The following GLI3 variants were observed in gnomAD, a reference collection of about 807,000 sequenced individuals.
GLI3 encodes transcription activator GLI3.
In GLI3, 20 loss-of-function variants were observed where a neutral mutation model predicts 100.8. The ratio of observed to expected loss-of-function variants is 0.20; its 90% CI spans 0.14 to 0.29. GLI3 has a LOEUF of 0.29. GLI3 is among the 10% of genes least tolerant of loss of function. GLI3 has a pLI of 1.00. For synonymous variants in GLI3, 938 were observed against 860.5 expected (o/e 1.09, Z -1.58); for missense variants, 2,040 against 2,128.5 (o/e 0.96, Z 0.82).
chr7:42,045,535 G>A lies in GLI3; in HGVS notation c.680-5C>T, dbSNP rs764200091. 7 of 1,613,648 alleles carry A rather than the reference G, an allele frequency of 4.3e-6. No homozygotes were observed. In the East Asian group the frequency reaches 8.9e-5, roughly 21 times the overall value. On this transcript the variant is annotated splice_region_variant and splice_polypyrimidine_tract_variant and intron_variant, in intron 5 of 14. Transcript: ENST00000395925. The stretch of plus-strand genomic sequence containing the variant: ...GGCTGACTCCTGCATGGGGCGCTAG[G>A]AGGAGACAAGAGATGTATGGTTACT...
At position 41,972,966 on chromosome 7, in the gene GLI3, G is replaced by A. The variant is rs1787405771; in HGVS notation, c.1813-339C>T. ...AGGCACTCAATAGATATTTGATGAT[G>A]ATGATGATGATGATGACGATGACTA... On this transcript the variant is annotated intron_variant, in intron 12 of 14. Coordinates refer to ENST00000395925, the MANE Select transcript of GLI3 (RefSeq NM_000168.6). This position sits in a 1 kb window ranked among gnomAD's most constrained non-coding sequence, Gnocchi z 4.4. 6.6e-6 allele frequency among the ~76,000 whole-genome samples: 1 copy of A among 151,428 alleles called. No homozygotes were observed. Among genetic ancestry groups the A allele is most frequent in the South Asian group, 2.1e-4 (1 of 4,824 alleles).
At chr7:42,183,997 C>T (rs1787669853) in intron 2 of GLI3, among the ~76,000 whole-genome samples, 1 of 152,228 alleles carries the variant, frequency 6.6e-6, no homozygotes, top group Admixed American at 6.5e-5. Context: ...TTAGGCATGT[C>T]TCTGCCTCAG....
chr7:42,031,095 T>C (rs1032547872), intron 7 of GLI3, among the ~76,000 whole-genome samples: 4 of 152,238 alleles, frequency 2.6e-5, no homozygotes, highest in African/African-American at 9.6e-5. Flanking sequence ...TTGGTACCTG[T>C]GCTTCCCATC....
intron 7 of GLI3, among the ~76,000 whole-genome samples, chr7:42,028,840 CA>C (rs1307877443): frequency 6.6e-6 from 1 of 151,578 alleles, no homozygotes; most frequent in South Asian, 2.1e-4. Flanking sequence ...GATATCCTTA[CA>C]AAAGATAAGA....
At chr7:42,134,812 C>T (rs992475384) in intron 3 of GLI3, among the ~76,000 whole-genome samples, 1 of 152,156 alleles carries the variant, frequency 6.6e-6, no homozygotes, top group Middle Eastern at 3.4e-3. Flanking sequence ...GGGAGCATTT[C>T]AGATTGCAGT....
At chr7:41,989,351 C>G (rs1440462835) in intron 10 of GLI3, among the ~76,000 whole-genome samples, 1 of 152,112 alleles carries the variant, frequency 6.6e-6, no homozygotes, top group African/African-American at 2.4e-5. Context: ...ATGGTAAGAG[C>G]CAAGGTTTCT....
At chr7:42,189,576 G>T (rs1787785065) in intron 2 of GLI3, among the ~76,000 whole-genome samples, 1 of 152,126 alleles carries the variant, frequency 6.6e-6, no homozygotes, top group African/African-American at 2.4e-5. Context: ...AATATGGAAG[G>T]TTCAGATACT....
At chr7:42,190,140 CAAA>C (rs11341473) in intron 2 of GLI3, among the ~76,000 whole-genome samples, 3 of 140,084 alleles carry the variant, frequency 2.1e-5, no homozygotes, top group Admixed American at 7.2e-5. Context: ...ATCTTACTGT[CAAA>C]AAAAAAAAAA....
At position 42,129,456 on chromosome 7, in the gene GLI3, C is replaced by T. The variant is rs1335582712; in HGVS notation, c.367+18770G>A. Among the ~76,000 whole-genome samples, 6 of 152,320 alleles carry T rather than the reference C, an allele frequency of 3.9e-5. 1 individual carries two copies. The highest frequency in any genetic ancestry group is 3.9e-4 in the Admixed American group (6 of 15,304). ...TAGGTGGACATGGTGCGTAGAGAAG[C>T]AGCAGCCTGAAATATTCTTCAAGAG... On this transcript the variant is annotated intron_variant, in intron 3 of 14. Coordinates refer to ENST00000395925, the MANE Select transcript of GLI3 (RefSeq NM_000168.6).
chr7:42,252,704 T>C (rs1225810398), intron 1 of GLI3, among the ~76,000 whole-genome samples: 1 of 152,200 alleles, frequency 6.6e-6, no homozygotes, highest in Non-Finnish European at 1.5e-5. Context: ...ATATAAAATG[T>C]ATATGAAAGT....
chr7:42,020,788 G>A (rs1040657433), intron 10 of GLI3, among the ~76,000 whole-genome samples: 2 of 151,740 alleles, frequency 1.3e-5, no homozygotes, highest in Non-Finnish European at 2.9e-5. Flanking sequence ...TACTCGGGAG[G>A]CTGAGGCAGG....
intron 2 of GLI3, among the ~76,000 whole-genome samples, chr7:42,158,137 G>T (rs1399553738): frequency 6.6e-6 from 1 of 152,106 alleles, no homozygotes; most frequent in African/African-American, 2.4e-5. Context: ...AGCCCACTCT[G>T]GAAAGGCATA....
chr7:42,237,926 TG>T (rs1012126559), upstream of GLI3: 5 of 141,884 alleles, frequency 3.5e-5, no homozygotes, highest in East Asian at 2.4e-4. Context: ...GGTCGGGGGC[TG>T]GGGGGGAGCC....
In GLI3 at chr7:41,967,701, C is replaced by T. The variant is rs979389675; in HGVS notation, c.2326G>A (p.Glu776Lys). 1.9e-6 allele frequency: 3 copies of T among 1,614,052 alleles called. No individual in the cohort carries two copies. The highest frequency in any genetic ancestry group is 1.7e-5 in the Admixed American group (1 of 60,000). Reference protein sequence around the residue: ...RRNPAGTKWMEHVKLERLKQV... With the variant: ...RRNPAGTKWMKHVKLERLKQV... ...TTTAGCCTTTCTAGTTTTACGTGCTCCATCCATTTGGTCCCTGCCGGGTTT... is the reference window on the plus strand; with the variant it reads ...TTTAGCCTTTCTAGTTTTACGTGCTTCATCCATTTGGTCCCTGCCGGGTTT... The change falls in exon 14 of 15, where the codon GAG becomes AAG. Residue 776 changes from glutamate to lysine, a missense_variant. Coordinates refer to ENST00000395925, the MANE Select transcript of GLI3 (RefSeq NM_000168.6).
intron 3 of GLI3, among the ~76,000 whole-genome samples, chr7:42,126,803 T>A (rs1197566314): frequency 6.6e-6 from 1 of 152,214 alleles, no homozygotes; most frequent in African/African-American, 2.4e-5. Context: ...CATGACAACA[T>A]TCTTCTACTC....
chr7:42,138,477 T>C (rs2128781078), intron 3 of GLI3, among the ~76,000 whole-genome samples: 1 of 152,300 alleles, frequency 6.6e-6, no homozygotes, highest in African/African-American at 2.4e-5. Context: ...CAAGCTGGGA[T>C]CACAGACACC....
chr7:42,021,506 C>A (rs1167926228), intron 10 of GLI3, among the ~76,000 whole-genome samples: 1 of 152,152 alleles, frequency 6.6e-6, no homozygotes, highest in Non-Finnish European at 1.5e-5. Context: ...CAAATACCTG[C>A]AATTTCACCA....
intron 2 of GLI3, among the ~76,000 whole-genome samples, chr7:42,203,024 G>A (rs998512225): frequency 1.3e-5 from 2 of 152,164 alleles, no homozygotes; most frequent in Admixed American, 1.3e-4. Flanking sequence ...TCCCACCCCA[G>A]TCTTGAAGAA....
At chr7:42,067,637 T>C (rs1319096396) in intron 4 of GLI3, among the ~76,000 whole-genome samples, 1 of 152,208 alleles carries the variant, frequency 6.6e-6, no homozygotes, top group Admixed American at 6.5e-5. Flanking sequence ...AATCATTTAC[T>C]GTGCCCAGTT....
Sources: gnomAD v4.1 joint callset for allele counts (sites outside exome capture counted in the v4.1 genomes callset) on GRCh38, gnomAD v4.1.1 for gene constraint, Gnocchi (gnomAD v3.1) non-coding constraint, MANE v1.5 for transcripts, NCBI Gene and HGNC (gene_info 2026-07-23, HGNC 2026-07-21) for gene names.